Variants in CPA6 observed in about 807,000 individuals in gnomAD.
The protein encoded by CPA6 is carboxypeptidase A6, also known as carboxypeptidase B.
In CPA6, 58 loss-of-function variants were observed where a neutral mutation model predicts 63.3. The observed-to-expected ratio is 0.92, with a 90% CI of 0.74 to 1.14. The LOEUF is 1.14. Ranked by LOEUF, CPA6 falls within the 50% of genes most tolerant of loss-of-function variation. CPA6 has a pLI of 0.00. For missense variants in CPA6, 565 were observed against 526.6 expected, an observed-to-expected ratio of 1.07 and a Z score of -0.71; for synonymous variants, 185 against 179.0, an observed-to-expected ratio of 1.03 and a Z score of -0.27.
chr8:67,482,082 C>T (rs182292924), intron 8 of CPA6, among the ~76,000 whole-genome samples: 85 of 152,256 alleles, frequency 5.6e-4, no homozygotes, highest in Middle Eastern at 3.4e-3. Context: ...ACTGAAAAAC[C>T]AAAGAAGGCA....
chr8:67,564,465 A>T (rs917550324), intron 2 of CPA6, among the ~76,000 whole-genome samples: 1 of 150,746 alleles, frequency 6.6e-6, no homozygotes, highest in African/African-American at 2.4e-5. Flanking sequence ...CTAAGGTGTT[A>T]GCTTATTTAA....
At chr8:67,483,218 A>G (rs1261348066) in intron 8 of CPA6, 1 of 152,478 alleles carries the variant, frequency 6.6e-6, no homozygotes, top group Non-Finnish European at 1.5e-5. Flanking sequence ...TTCTTTCTTC[A>G]GTAGAAGGGT....
chr8:67,497,320 T>C (rs1262098921), intron 6 of CPA6, among the ~76,000 whole-genome samples: 5 of 152,206 alleles, frequency 3.3e-5, no homozygotes, highest in African/African-American at 9.6e-5. Context: ...GATTTGCCTA[T>C]TCTCTGAACA....
At chr8:67,732,808 C>T (rs1817731504) in intron 1 of CPA6, 2 of 152,264 alleles carry the variant, frequency 1.3e-5, no homozygotes, top group Admixed American at 6.5e-5. Flanking sequence ...ACAGTCTGGA[C>T]CAGAGCAGCA....
intron 8 of CPA6, among the ~76,000 whole-genome samples, chr8:67,470,028 C>CTT (rs756750835): frequency 5.6e-5 from 8 of 143,046 alleles, no homozygotes; most frequent in Non-Finnish European, 9.2e-5. Flanking sequence ...ATCATGTTTC[C>CTT]TTTTTTTTTT....
chr8:67,677,008 A>G (rs1362477730), intron 1 of CPA6, among the ~76,000 whole-genome samples: 1 of 152,174 alleles, frequency 6.6e-6, no homozygotes, highest in Non-Finnish European at 1.5e-5. Context: ...CTGTGTGTGT[A>G]TGCATGCTAG....
intron 1 of CPA6, among the ~76,000 whole-genome samples, chr8:67,719,590 G>A (rs925322696): frequency 8.5e-5 from 13 of 152,110 alleles, no homozygotes; most frequent in South Asian, 2.1e-4. Flanking sequence ...AGGCACTTTC[G>A]GAAGATTAAT....
chr8:67,554,634 C>T (rs1440814812), intron 2 of CPA6, among the ~76,000 whole-genome samples: 1 of 152,160 alleles, frequency 6.6e-6, no homozygotes, highest in African/African-American at 2.4e-5. Flanking sequence ...CAGTCCAAGT[C>T]CAAAGACCTC....
intron 2 of CPA6, among the ~76,000 whole-genome samples, chr8:67,612,503 T>TA (rs1419732950): frequency 6.6e-6 from 1 of 152,194 alleles, no homozygotes; most frequent in African/African-American, 2.4e-5. Context: ...TCTTTCTCAA[T>TA]ATGATGCTGA....
At chr8:67,705,981 G>A (rs1192067542) in intron 1 of CPA6, among the ~76,000 whole-genome samples, 1 of 152,084 alleles carries the variant, frequency 6.6e-6, no homozygotes, top group Non-Finnish European at 1.5e-5. Flanking sequence ...AGGAGATTTT[G>A]TATGAAAAAG....
At chr8:67,489,530 C>T (rs1294103114) in intron 6 of CPA6, among the ~76,000 whole-genome samples, 1 of 151,552 alleles carries the variant, frequency 6.6e-6, no homozygotes, top group Non-Finnish European at 1.5e-5. Context: ...TAAATGATTT[C>T]TGACACTGTA....
At chr8:67,486,870 A>C (rs1269433567) in intron 6 of CPA6, among the ~76,000 whole-genome samples, 1 of 151,066 alleles carries the variant, frequency 6.6e-6, no homozygotes, top group Non-Finnish European at 1.5e-5. Flanking sequence ...TTGACTTAAC[A>C]ATTTTTTTTT....
intron 1 of CPA6, among the ~76,000 whole-genome samples, chr8:67,728,126 CAAAA>C: frequency 1.0e-5 from 1 of 99,218 alleles, no homozygotes; most frequent in African/African-American, 3.6e-5. Flanking sequence ...AAAACAACAA[CAAAA>C]AACAAACAAA....
At chr8:67,745,544 T>A (rs1817991253) in intron 1 of CPA6, among the ~76,000 whole-genome samples, 1 of 152,090 alleles carries the variant, frequency 6.6e-6, no homozygotes, top group African/African-American at 2.4e-5. Flanking sequence ...TATTTAAAAA[T>A]CTAATAACCA....
At chr8:67,677,342 C>CT (rs35049117) in intron 1 of CPA6, among the ~76,000 whole-genome samples, 13,379 of 128,314 alleles carry the variant, frequency 0.1, 863 homozygotes, top group African/African-American at 0.15. Flanking sequence ...AAAACACCTT[C>CT]TTTTTTTTTT....
intron 2 of CPA6, among the ~76,000 whole-genome samples, chr8:67,553,089 C>T (rs898851644): frequency 1.3e-5 from 2 of 152,084 alleles, no homozygotes; most frequent in Admixed American, 6.5e-5. Flanking sequence ...TTATTAATCA[C>T]CCATATGTTA....
At chr8:67,570,592 T>G (rs1813462390) in intron 2 of CPA6, among the ~76,000 whole-genome samples, 1 of 152,202 alleles carries the variant, frequency 6.6e-6, no homozygotes. Context: ...AGTTTAGAGT[T>G]GTACGCAATA....
intron 8 of CPA6, among the ~76,000 whole-genome samples, chr8:67,435,188 T>C (rs1810122332): frequency 1.3e-5 from 2 of 151,684 alleles, no homozygotes; most frequent in Non-Finnish European, 2.9e-5. Flanking sequence ...AAGTAGGGGG[T>C]TGGTTGGACC....
chr8:67,489,746 G>A (rs1470109012), intron 6 of CPA6, among the ~76,000 whole-genome samples: 1 of 151,818 alleles, frequency 6.6e-6, no homozygotes, highest in Non-Finnish European at 1.5e-5. Context: ...CTAAAAATTT[G>A]TCTGCTATTT....
Sources: allele counts gnomAD v4.1 joint callset (sites outside exome capture counted in the v4.1 genomes callset), GRCh38; gene constraint gnomAD v4.1.1; transcripts MANE v1.5; gene names NCBI Gene and HGNC (gene_info 2026-07-23, HGNC 2026-07-21).